C9orf43: variants seen among roughly 807,000 people sequenced by gnomAD.
C9orf43 encodes uncharacterized protein C9orf43.
In C9orf43, 45 loss-of-function variants were observed where a neutral mutation model predicts 59.1. That is an observed-to-expected ratio of 0.76 (90% CI 0.60 to 0.98). The LOEUF is 0.98. Among genes scored for constraint, C9orf43 ranks in the 50% least tolerant of loss-of-function variants. The pLI, the probability that C9orf43 is intolerant of heterozygous loss-of-function variation, is 0.00. For synonymous variants in C9orf43, 203 were observed against 196.8 expected, an observed-to-expected ratio of 1.03 and a Z score of -0.26; for missense variants, 533 against 554.9, an observed-to-expected ratio of 0.96 and a Z score of 0.40.
intron 3 of C9orf43, among the ~76,000 whole-genome samples, chr9:113,414,201 G>GT (rs1186141376): frequency 1.3e-5 from 2 of 152,198 alleles, no homozygotes; most frequent in African/African-American, 2.4e-5. Flanking sequence ...ATATCAAGGT[G>GT]TTGCCAAGAC....
At chr9:113,422,607 A>G (rs1310705732) in intron 6 of C9orf43, 22 bp downstream of exon 6, 2 of 1,613,416 alleles carry the variant, frequency 1.2e-6, no homozygotes, top group Non-Finnish European at 1.7e-6. Context: ...GTTTTTGTGC[A>G]AACCTTTATA....
At chr9:113,422,623 G>C in intron 6 of C9orf43, 38 bp downstream of exon 6, 19 of 1,608,536 alleles carry the variant, frequency 1.2e-5, no homozygotes, top group Non-Finnish European at 1.6e-5. Flanking sequence ...TTATAATATT[G>C]CTATGTAGAG....
intron 3 of C9orf43, among the ~76,000 whole-genome samples, chr9:113,417,028 A>C (rs1325427176): frequency 6.6e-6 from 1 of 152,222 alleles, no homozygotes; most frequent in Non-Finnish European, 1.5e-5. Flanking sequence ...TCATTTAACC[A>C]AGCATCATTT....
chr9:113,421,748 G>C (rs1828582844), intron 5 of C9orf43, among the ~76,000 whole-genome samples: 1 of 152,170 alleles, frequency 6.6e-6, no homozygotes. Flanking sequence ...GACATTTAGA[G>C]ATGATGAAAC....
intron 7 of C9orf43, among the ~76,000 whole-genome samples, 197 bp downstream of exon 7, chr9:113,423,695 C>G (rs1030005192): frequency 6.6e-6 from 1 of 152,184 alleles, no homozygotes; most frequent in African/African-American, 2.4e-5. Flanking sequence ...TACCATTTGC[C>G]TGGCCCTGTG....
At chr9:113,417,128 T>C (rs1044287361) in intron 3 of C9orf43, among the ~76,000 whole-genome samples, 4 of 152,174 alleles carry the variant, frequency 2.6e-5, no homozygotes, top group African/African-American at 9.7e-5. Flanking sequence ...AGGGACCATA[T>C]GTTTCTTTTG....
rs766661107 is a variant in C9orf43 at position 113,424,431 on chromosome 9, G to C, written c.807+115G>C. On this transcript the variant is annotated intron_variant, in intron 8 of 13. Coordinates refer to ENST00000374165, the MANE Select transcript of C9orf43 (RefSeq NM_001278629.2). ...TATCTCCCTTCTGCCTTTCCACTCT[G>C]AACCCATGCCCCAGAGAAGGCTGGG... 4.4e-6 allele frequency: 5 copies of C among 1,141,768 alleles called. No individual in the cohort carries two copies. The East Asian group carries it at 1.2e-4, about 28-fold the overall frequency. 70.7% of individuals were successfully genotyped at this position (1,141,768 alleles called of 1,614,324 possible).
In C9orf43 at chr9:113,411,100, C is replaced by T. The variant is rs1828120426; in HGVS notation, c.-50+99C>T. 7.1e-6 allele frequency: 7 copies of T among 985,254 alleles called. No individual in the cohort carries two copies. In the South Asian group the frequency reaches 2.8e-4, roughly 40 times the overall value. The allele number at this position is 985,254 out of a possible 1,614,324, so 61.0% of individuals were successfully genotyped here. A position where few individuals can be genotyped will look rare whatever the true frequency, so the allele number is the denominator to read the frequency against. The stretch of plus-strand genomic sequence containing the variant: ...GGATAATGCTGGCCATATAGAGATG[C>T]GCCTGATTAGGTCTCAGGAGTCAAT... On this transcript the variant is annotated intron_variant, in intron 1 of 13. Coordinates refer to ENST00000374165, the MANE Select transcript of C9orf43 (RefSeq NM_001278629.2).
intron 7 of C9orf43, 148 bp downstream of exon 7, chr9:113,423,646 G>A: frequency 1.4e-6 from 1 of 711,582 alleles, no homozygotes. Context: ...TTACCAACAG[G>A]CAGGGATGAC....
chr9:113,426,590 A>C (rs1828800409), intron 11 of C9orf43, among the ~76,000 whole-genome samples: 1 of 152,168 alleles, frequency 6.6e-6, no homozygotes, highest in South Asian at 2.1e-4. Flanking sequence ...CATCTCACTT[A>C]GTTGTCTGAT....
chr9:113,425,407 C>G lies in C9orf43; in HGVS notation c.929C>G (p.Pro310Arg). ...QQQQQKKVKT[P>R]IKKQEAKKKA... is the part of the protein sequence containing the mutation. ...CAGCAACAGAAGAAGGTGAAAACACCTATTAAGAAACAGGTAGAGTGGCAG... is the reference window on the plus strand; with the variant it reads ...CAGCAACAGAAGAAGGTGAAAACACGTATTAAGAAACAGGTAGAGTGGCAG... The change falls in exon 10 of 14, where the codon CCT (proline) becomes CGT (arginine). Residue 310 changes from proline (P) to arginine (R), a missense_variant. Transcript: ENST00000374165. The G allele has an allele frequency of 6.2e-7, 1 of 1,613,846 alleles. No homozygotes were observed. Among genetic ancestry groups the G allele is most frequent in the Non-Finnish European group, 8.5e-7 (1 of 1,179,896 alleles).
Position 113,421,899 on chromosome 9 carries a change from G to A in C9orf43, c.447-650G>A, listed in dbSNP as rs1025841933. On this transcript the variant is annotated intron_variant, in intron 5 of 13. Transcript: ENST00000374165. ...CAACCCTAAGGGTTTATTTCCTTTC[G>A]TGTGAAAGAAGCTCAGAAGTAGGCA... 3.9e-5 allele frequency among the ~76,000 whole-genome samples: 6 copies of A among 151,936 alleles called. No individual in the cohort carries two copies. In the South Asian group the frequency reaches 8.3e-4, roughly 21 times the overall value.
rs78925971 is a variant in C9orf43 at position 113,424,817 on chromosome 9, T to C, written c.808-202T>C. Among the ~76,000 whole-genome samples the C allele has an allele frequency of 4.6e-3, 705 of 152,248 alleles. 5 individuals carry two copies. The highest frequency in any genetic ancestry group is 0.016 in the African/African-American group (682 of 41,564). The stretch of plus-strand genomic sequence containing the variant: ...CTGGGATTACAGGCATGAGCCACCA[T>C]GCCTGGCCATGTTCTCTATTTCTTC... On this transcript the variant is annotated intron_variant, in intron 8 of 13. Transcript: ENST00000374165.
rs763891949 is a variant in C9orf43, at chr9:113,425,001, T to G, written c.808-18T>G. ...AGACCTGCAGTAGAGCTTTTCTTTT[T>G]CTTTTTTCTTTCTCCAGAGACCAGC... On this transcript the variant is annotated intron_variant, in intron 8 of 13. Coordinates refer to ENST00000374165, the MANE Select transcript of C9orf43 (RefSeq NM_001278629.2). 10 of 1,605,856 alleles carry G rather than the reference T, an allele frequency of 6.2e-6. No homozygotes were observed. The highest frequency in any genetic ancestry group is 3.3e-5 in the Admixed American group (2 of 59,808).
intron 4 of C9orf43, chr9:113,420,832 T>C (rs919883736): frequency 1.5e-5 from 15 of 975,840 alleles, no homozygotes; most frequent in Non-Finnish European, 1.8e-5. Context: ...CACCCTCATA[T>C]GGGATTGGAT....
chr9:113,414,628 G>A (rs1227669167), intron 3 of C9orf43, among the ~76,000 whole-genome samples: 1 of 152,066 alleles, frequency 6.6e-6, no homozygotes, highest in Non-Finnish European at 1.5e-5. Context: ...GTGCGTCTGT[G>A]TCTTAATTTC....
chr9:113,426,748 C>T (rs1423062483), intron 11 of C9orf43, among the ~76,000 whole-genome samples: 1 of 152,256 alleles, frequency 6.6e-6, no homozygotes, highest in East Asian at 1.9e-4. Context: ...CCCTGAATTC[C>T]GTTCTGGTGC....
intron 6 of C9orf43, among the ~76,000 whole-genome samples, 183 bp downstream of exon 6, chr9:113,422,768 G>C (rs1160002623): frequency 6.6e-6 from 1 of 151,812 alleles, no homozygotes; most frequent in Non-Finnish European, 1.5e-5. Context: ...CCTTTTTTCT[G>C]TCTCCTTCCT....
chr9:113,414,976 C>A (rs7857708), intron 3 of C9orf43, among the ~76,000 whole-genome samples: 1,710 of 152,216 alleles, frequency 0.011, 12 homozygotes, highest in Admixed American at 0.021. Context: ...GAATTACAGG[C>A]GTGCACCACC....
Sources: allele counts gnomAD v4.1 joint callset (sites outside exome capture counted in the v4.1 genomes callset), GRCh38; gene constraint gnomAD v4.1.1; transcripts MANE v1.5; gene names NCBI Gene and HGNC (gene_info 2026-07-23, HGNC 2026-07-21).